GRID1: variants seen among roughly 807,000 people sequenced by gnomAD.
The protein encoded by GRID1 is glutamate receptor ionotropic, delta-1.
GRID1 carries 28 observed loss-of-function variants against 98.0 expected under a neutral mutation model. That is an observed-to-expected ratio of 0.29 (90% confidence interval 0.21 to 0.39). GRID1 has a LOEUF of 0.39. Among genes scored for constraint, GRID1 ranks in the 10% least tolerant of loss-of-function variants. GRID1 has a pLI of 1.00. For synonymous variants in GRID1, 553 were observed against 538.5 expected, an observed-to-expected ratio of 1.03 and a Z score of -0.37; for missense variants, 1,111 against 1,340.5, an observed-to-expected ratio of 0.83 and a Z score of 2.67.
intron 8 of GRID1, among the ~76,000 whole-genome samples, chr10:85,746,807 AC>A (rs1842001586): frequency 6.6e-6 from 1 of 152,106 alleles, no homozygotes; most frequent in Non-Finnish European, 1.5e-5. Context: ...ATAAAATAAA[AC>A]ATGATGAATA....
In GRID1 at chr10:85,698,673, C is replaced by T. The variant is rs542175327; in HGVS notation, c.1997+24330G>A. On this transcript the variant is annotated intron_variant, in intron 12 of 15. Transcript: ENST00000327946. ...GGGCATATATTCTTAATTCTTTGGGCTAAATACCAGAAGAGTAACTGCTGT... is the reference window on the plus strand; with the variant it reads ...GGGCATATATTCTTAATTCTTTGGGTTAAATACCAGAAGAGTAACTGCTGT... Among the ~76,000 whole-genome samples the T allele has an allele frequency of 4.6e-5, 7 of 152,300 alleles. No homozygotes were observed. In the East Asian group the frequency reaches 7.7e-4, roughly 17 times the overall value.
At chr10:86,023,364 C>T (rs1843075331) in intron 4 of GRID1, among the ~76,000 whole-genome samples, 1 of 152,184 alleles carries the variant, frequency 6.6e-6, no homozygotes. Context: ...GCCCTTACCT[C>T]GTTGAACTCT....
chr10:85,830,701 A>G (rs966830918), intron 8 of GRID1, among the ~76,000 whole-genome samples: 3 of 152,232 alleles, frequency 2.0e-5, no homozygotes, highest in African/African-American at 4.8e-5. Flanking sequence ...GCTAACAAGC[A>G]TATGAAAAAG....
At chr10:85,906,204 T>C (rs576766968) in intron 5 of GRID1, among the ~76,000 whole-genome samples, 2 of 152,136 alleles carry the variant, frequency 1.3e-5, no homozygotes, top group South Asian at 2.1e-4. Flanking sequence ...CAAGAGAACA[T>C]AAAAATCCTA....
chr10:85,918,206 A>G (rs1312552109), intron 4 of GRID1, among the ~76,000 whole-genome samples: 1 of 152,226 alleles, frequency 6.6e-6, no homozygotes, highest in Non-Finnish European at 1.5e-5. Flanking sequence ...ACTGAACTGA[A>G]TCTAAAGACT....
intron 13 of GRID1, among the ~76,000 whole-genome samples, chr10:85,627,483 C>T (rs1842926032): frequency 6.6e-6 from 1 of 152,170 alleles, no homozygotes; most frequent in Non-Finnish European, 1.5e-5. Flanking sequence ...TTATGTAAAA[C>T]TTTATGTTTG....
At chr10:85,997,462 G>T (rs1247827992) in intron 4 of GRID1, among the ~76,000 whole-genome samples, 1 of 152,010 alleles carries the variant, frequency 6.6e-6, no homozygotes, top group Non-Finnish European at 1.5e-5. Flanking sequence ...GAACTAAATG[G>T]TGGCAAGATT....
rs528323410 is a variant in GRID1 at position 86,195,557 on chromosome 10, A to G, written c.520+10807T>C. Among the ~76,000 whole-genome samples the G allele has an allele frequency of 2.0e-5, 3 of 152,174 alleles. No homozygotes were observed. Among genetic ancestry groups the G allele is most frequent in the Non-Finnish European group, 2.9e-5 (2 of 67,988 alleles). ...AAACAGGCAGACAATGCAACCTGAA[A>G]CAATCAAACCAAAAATCAGAGGCAG... On this transcript the variant is annotated intron_variant, in intron 3 of 15. Transcript: ENST00000327946. The surrounding 1 kb of genome is among the most constrained non-coding windows in gnomAD (Gnocchi z 4.4).
At chr10:85,906,031 C>A (rs1425842769) in intron 5 of GRID1, among the ~76,000 whole-genome samples, 1 of 151,704 alleles carries the variant, frequency 6.6e-6, no homozygotes, top group Non-Finnish European at 1.5e-5. Context: ...CATAAAGAAA[C>A]AAGTATGTTA....
At chr10:85,649,834 AC>A (rs1315216200) in intron 12 of GRID1, among the ~76,000 whole-genome samples, 7 of 152,068 alleles carry the variant, frequency 4.6e-5, no homozygotes, top group African/African-American at 1.7e-4. Flanking sequence ...CACTGTTCCC[AC>A]CCCAAAATGC....
At chr10:85,938,561 A>G (rs1459349559) in intron 4 of GRID1, among the ~76,000 whole-genome samples, 1 of 152,190 alleles carries the variant, frequency 6.6e-6, no homozygotes, top group Non-Finnish European at 1.5e-5. Flanking sequence ...TACAAATGAG[A>G]AAAGTGAGCC....
chr10:86,249,980 GATGGATGC>G (rs2132048138), intron 2 of GRID1, among the ~76,000 whole-genome samples: 1 of 152,080 alleles, frequency 6.6e-6, no homozygotes, highest in East Asian at 1.9e-4. Context: ...TGGATAGATG[GATGGATGC>G]ATGGATGGAT....
intron 8 of GRID1, among the ~76,000 whole-genome samples, chr10:85,764,794 T>C (rs897585314): frequency 4.6e-5 from 7 of 152,190 alleles, no homozygotes; most frequent in African/African-American, 1.7e-4. Flanking sequence ...TGCATGCATG[T>C]CAGCCATAGT....
intron 15 of GRID1, among the ~76,000 whole-genome samples, chr10:85,608,351 T>C (rs530830799): frequency 6.6e-6 from 1 of 152,312 alleles, no homozygotes; most frequent in South Asian, 2.1e-4. Context: ...GGCCCAAGCA[T>C]CTGTATTTCT....
At chr10:85,783,896 C>A (rs934218460) in intron 8 of GRID1, among the ~76,000 whole-genome samples, 4 of 152,296 alleles carry the variant, frequency 2.6e-5, no homozygotes, top group African/African-American at 9.6e-5. Flanking sequence ...ATAGCCTGGC[C>A]ACTCCCAGGA....
At chr10:86,023,751 C>T (rs1394355381) in intron 4 of GRID1, among the ~76,000 whole-genome samples, 1 of 152,096 alleles carries the variant, frequency 6.6e-6, no homozygotes, top group Non-Finnish European at 1.5e-5. Context: ...GAACCCAGGC[C>T]TCCTCCCAGA....
chr10:86,236,344 A>T (rs1870166), intron 2 of GRID1, among the ~76,000 whole-genome samples: 135,940 of 152,276 alleles, frequency 0.89, 61,240 homozygotes, highest in African/African-American at 0.92. Context: ...TCAACCTCTC[A>T]ATGTCTTCAC....
chr10:86,100,191 C>T (rs1844276684), intron 4 of GRID1, among the ~76,000 whole-genome samples: 2 of 152,160 alleles, frequency 1.3e-5, no homozygotes, highest in South Asian at 2.1e-4. Context: ...GCTTATTGTG[C>T]AAAGTATTGT....
At chr10:85,627,830 C>T (rs1212447184) in intron 13 of GRID1, among the ~76,000 whole-genome samples, 3 of 152,174 alleles carry the variant, frequency 2.0e-5, no homozygotes, top group African/African-American at 4.8e-5. Flanking sequence ...ACGCGAGTTC[C>T]GTTTCCTGCT....
Sources: allele counts gnomAD v4.1 joint callset (sites outside exome capture counted in the v4.1 genomes callset), GRCh38; gene constraint gnomAD v4.1.1; non-coding constraint Gnocchi (gnomAD v3.1); transcripts MANE v1.5; gene names NCBI Gene and HGNC (gene_info 2026-07-23, HGNC 2026-07-21).